The following FBN2 variants were observed in gnomAD, a reference collection of about 807,000 sequenced individuals.
FBN2 encodes the protein fibrillin 2, also known as fibrillin-2.
A neutral mutation model predicts 355.6 loss-of-function variants in FBN2; 105 were observed. The observed-to-expected ratio is 0.30, with a 90% CI of 0.25 to 0.35. The LOEUF is 0.35. Among genes scored for constraint, FBN2 ranks in the 10% least tolerant of loss-of-function variants. FBN2 has a pLI of 1.00. For missense variants in FBN2, 3,280 were observed against 3,758.7 expected (o/e 0.87, Z 3.33); for synonymous variants, 1,350 against 1,301.2 (o/e 1.04, Z -0.81).
In FBN2 at chr5:128,339,080, A is replaced by C; in HGVS notation, c.3344-19T>G. The C allele has an allele frequency of 6.2e-7, 1 of 1,613,176 alleles. No individual in the cohort carries two copies. Among genetic ancestry groups the C allele is most frequent in the Non-Finnish European group, 8.5e-7 (1 of 1,179,334 alleles). On this transcript the variant is annotated intron_variant, in intron 25 of 64. Transcript: ENST00000262464. Reference sequence around the variant, plus strand: ...TCGATGTCTAATTCACAGGGTTTAAAAGAAATTTAAAAATTGAATGAGATA... The same window carrying C: ...TCGATGTCTAATTCACAGGGTTTAACAGAAATTTAAAAATTGAATGAGATA...
intron 3 of FBN2, 131 bp downstream of exon 3, chr5:128,530,464 T>G: frequency 1.4e-6 from 1 of 698,862 alleles, no homozygotes; most frequent in Non-Finnish European, 2.6e-6. Flanking sequence ...ATTAACAGTA[T>G]CTCATAATGT....
intron 51 of FBN2, among the ~76,000 whole-genome samples, 184 bp from the exon 52 acceptor site, chr5:128,289,436 A>C (rs1749257081): frequency 6.6e-6 from 1 of 152,062 alleles, no homozygotes; most frequent in Admixed American, 6.6e-5. Flanking sequence ...ATACAAAAAA[A>C]AATTAGCCAG....
At chr5:128,261,699 T>C in intron 64 of FBN2, 37 bp downstream of exon 64, 1 of 1,608,014 alleles carries the variant, frequency 6.2e-7, no homozygotes, top group Non-Finnish European at 8.5e-7. Flanking sequence ...TCCGTAGGGA[T>C]AAAATTTTGT....
intron 23 of FBN2, among the ~76,000 whole-genome samples, chr5:128,348,908 A>G (rs1338363451): frequency 6.6e-6 from 1 of 152,164 alleles, no homozygotes; most frequent in Non-Finnish European, 1.5e-5. Flanking sequence ...TAAAGGAAGG[A>G]CCAGGATCAG....
chr5:128,262,586 C>T (rs914919020), intron 63 of FBN2, among the ~76,000 whole-genome samples: 1 of 152,174 alleles, frequency 6.6e-6, no homozygotes, highest in African/African-American at 2.4e-5. Flanking sequence ...AACAAAGCTC[C>T]CTGCTTTAAA....
chr5:128,385,869 C>G (rs1013538333), intron 11 of FBN2, among the ~76,000 whole-genome samples: 1 of 151,812 alleles, frequency 6.6e-6, no homozygotes, highest in Non-Finnish European at 1.5e-5. Flanking sequence ...TGTCCTTTAC[C>G]CATTATTTAA....
intron 25 of FBN2, among the ~76,000 whole-genome samples, chr5:128,341,921 A>G (rs154002): frequency 0.79 from 120,315 of 152,132 alleles, 47,854 homozygotes; most frequent in East Asian, 0.93. Context: ...AGAGAGAGAC[A>G]TCAAAATTCA....
intron 20 of FBN2, among the ~76,000 whole-genome samples, chr5:128,353,179 A>G (rs920947917): frequency 8.5e-5 from 13 of 152,144 alleles, no homozygotes; most frequent in African/African-American, 3.1e-4. Flanking sequence ...CAAAAAAAAA[A>G]AAAAGTTTTT....
At chr5:128,493,105 C>T (rs1037787784) in intron 5 of FBN2, among the ~76,000 whole-genome samples, 2 of 152,102 alleles carry the variant, frequency 1.3e-5, no homozygotes, top group Non-Finnish European at 2.9e-5. Context: ...AATGAACTCA[C>T]AGTCTGTTAA....
rs1215092892 is a variant in FBN2 at position 128,259,232 on chromosome 5, T to C, written c.*223A>G. ...TAATATATTTTAAAATGAAGTTATA[T>C]AAAAAATACAGTAACCACGGTTGCC... On this transcript the variant is annotated 3_prime_UTR_variant, in exon 65 of 65. Coordinates refer to ENST00000262464, the MANE Select transcript of FBN2 (RefSeq NM_001999.4). The C allele has an allele frequency of 5.4e-6, 3 of 555,030 alleles. No homozygotes were observed. Among genetic ancestry groups the C allele is most frequent in the Non-Finnish European group, 9.6e-6 (3 of 313,392 alleles). The allele number at this position is 555,030 out of a possible 1,614,324, so 34.4% of individuals were successfully genotyped here.
rs1383396793 is a variant in FBN2 at position 128,294,318 on chromosome 5, A to G, written c.6167-2664T>C. On this transcript the variant is annotated intron_variant, in intron 48 of 64. Transcript: ENST00000262464. The stretch of plus-strand genomic sequence containing the variant: ...AACATACGTGTGCATGTGTCTTTAC[A>G]GCAGCATGATTTATAGTCCTTTGGG... 9.2e-5 allele frequency among the ~76,000 whole-genome samples: 14 copies of G among 152,064 alleles called. 1 individual carries two copies. The South Asian group carries it at 2.9e-3, about 32-fold the overall frequency.
intron 7 of FBN2, among the ~76,000 whole-genome samples, chr5:128,424,841 C>A (rs938925270): frequency 6.6e-6 from 1 of 152,118 alleles, no homozygotes; most frequent in Non-Finnish European, 1.5e-5. Context: ...CATCACAGTG[C>A]TTTTTAACAT....
intron 15 of FBN2, among the ~76,000 whole-genome samples, chr5:128,372,737 C>T (rs1414403439): frequency 6.6e-6 from 1 of 152,110 alleles, no homozygotes; most frequent in African/African-American, 2.4e-5. Flanking sequence ...AGCAATCTGC[C>T]CTACTCGGAA....
chr5:128,417,454 T>C (rs1209962533), intron 7 of FBN2, among the ~76,000 whole-genome samples: 2 of 152,204 alleles, frequency 1.3e-5, no homozygotes, highest in African/African-American at 2.4e-5. Flanking sequence ...GCTTTCAGCT[T>C]TTCCCCATTC....
At chr5:128,394,987 T>C in intron 9 of FBN2, 135 bp downstream of exon 9, 1 of 941,914 alleles carries the variant, frequency 1.1e-6, no homozygotes. Context: ...GATTTCGCCA[T>C]GTTGCCCAGG....
rs189111480 is a variant in FBN2, at chr5:128,481,028, G to A, written c.629-16107C>T. ...TCCAAGAAGTAATATACTTCCTCAC[G>A]GAGTTATTTTCTCTATTATTCAAGC... On this transcript the variant is annotated intron_variant, in intron 5 of 64. Transcript: ENST00000262464. Among the ~76,000 whole-genome samples, 483 of 152,150 alleles carry A rather than the reference G, an allele frequency of 3.2e-3. 1 individual carries two copies. The highest frequency in any genetic ancestry group is 0.011 in the African/African-American group (456 of 41,528).
chr5:128,259,770 G>C lies in FBN2; in HGVS notation c.8424C>G (p.Asn2808Lys), dbSNP rs748360729. Residue 2808 changes from asparagine to lysine, a missense_variant, in exon 65 of 65, where the codon AAC (asparagine) becomes AAG (lysine). Around this residue, in one of 6 missense-constraint regions of FBN2, gnomAD observed 311 missense variants for 319.1 expected, o/e 0.97. Coordinates refer to ENST00000262464, the MANE Select transcript of FBN2 (RefSeq NM_001999.4). ...DMDSPVNMKFNLSHLGSKEHI... is the reference protein window; with the variant it reads ...DMDSPVNMKFKLSHLGSKEHI... ...GCTCCTTAGAGCCGAGGTGGGAGAG[G>C]TTGAACTTCATGTTGACGGGGCTGT... The C allele has an allele frequency of 6.2e-7, 1 of 1,613,830 alleles. No individual in the cohort carries two copies.
chr5:128,329,785 G>A (rs999652005), intron 33 of FBN2, among the ~76,000 whole-genome samples: 2 of 152,182 alleles, frequency 1.3e-5, no homozygotes, highest in African/African-American at 4.8e-5. Flanking sequence ...TAGGCTATCC[G>A]TTAATTATGG....
In FBN2 at chr5:128,430,732, T is replaced by A. The variant is rs192451370; in HGVS notation, c.952+15749A>T. Among the ~76,000 whole-genome samples the A allele has an allele frequency of 3.3e-3, 498 of 152,016 alleles. 4 individuals carry two copies. Among genetic ancestry groups the A allele is most frequent in the Non-Finnish European group, 3.0e-3 (207 of 67,970 alleles). On this transcript the variant is annotated intron_variant, in intron 7 of 64. Coordinates refer to ENST00000262464, the MANE Select transcript of FBN2 (RefSeq NM_001999.4). ...GGTGGCACAGGCCTATAATCCCAGC[T>A]ACTCGGGAGGCTGAGGCAGGAGAAT...
Sources: gnomAD v4.1 joint callset for allele counts (sites outside exome capture counted in the v4.1 genomes callset) on GRCh38, gnomAD v4.1.1 for gene constraint, gnomAD v4.1.1 regional missense constraint, MANE v1.5 for transcripts, NCBI Gene and HGNC (gene_info 2026-07-23, HGNC 2026-07-21) for gene names.